Variants in PPP2R5E observed in about 807,000 individuals in gnomAD.
PPP2R5E encodes serine/threonine-protein phosphatase 2A 56 kDa regulatory subunit epsilon isoform.
A neutral mutation model predicts 65.3 loss-of-function variants in PPP2R5E; 4 were observed. That is an observed-to-expected ratio of 0.06 (90% CI 0.03 to 0.14). The LOEUF is 0.14. PPP2R5E is among the 10% of genes least tolerant of loss of function. PPP2R5E has a pLI of 1.00. For synonymous variants in PPP2R5E, 183 were observed against 187.4 expected, an observed-to-expected ratio of 0.98 and a Z score of 0.19; for missense variants, 274 against 556.1, an observed-to-expected ratio of 0.49 and a Z score of 5.10.
At chr14:63,495,013 G>C (rs1024107292) in intron 2 of PPP2R5E, among the ~76,000 whole-genome samples, 2 of 151,928 alleles carry the variant, frequency 1.3e-5, no homozygotes, top group African/African-American at 4.8e-5. Context: ...AGACCAGCCT[G>C]GCTAACATGG....
intron 4 of PPP2R5E, among the ~76,000 whole-genome samples, chr14:63,420,914 G>T (rs945470077): frequency 7.7e-6 from 1 of 129,790 alleles, no homozygotes; most frequent in Non-Finnish European, 1.6e-5. Flanking sequence ...TTAGCCGGGC[G>T]TAGTGGCGGG....
chr14:63,379,168 A>G (rs1884166821), intron 13 of PPP2R5E, among the ~76,000 whole-genome samples: 2 of 151,900 alleles, frequency 1.3e-5, no homozygotes, highest in Non-Finnish European at 2.9e-5. Flanking sequence ...AGCTGGGACT[A>G]CAGGCACCCG....
intron 3 of PPP2R5E, 39 bp from the exon 4 acceptor site, chr14:63,422,133 T>C (rs1887059274): frequency 6.5e-7 from 1 of 1,528,844 alleles, no homozygotes; most frequent in Non-Finnish European, 9.1e-7. Flanking sequence ...GGGAAGCACC[T>C]TCTGCACAGT....
At chr14:63,500,430 G>A (rs983113768) in intron 2 of PPP2R5E, among the ~76,000 whole-genome samples, 4 of 152,088 alleles carry the variant, frequency 2.6e-5, no homozygotes, top group Non-Finnish European at 4.4e-5. Context: ...ACAGGAAATC[G>A]TTTACATTGA....
chr14:63,451,743 T>A (rs1191249209), intron 3 of PPP2R5E: 2 of 151,896 alleles, frequency 1.3e-5, no homozygotes, highest in African/African-American at 4.8e-5. Flanking sequence ...TGTAGGATCA[T>A]CAATTGTAAC....
chr14:63,378,838 A>C (rs915491204), intron 13 of PPP2R5E, among the ~76,000 whole-genome samples: 2 of 152,186 alleles, frequency 1.3e-5, no homozygotes, highest in African/African-American at 4.8e-5. Flanking sequence ...TTTGATCTGA[A>C]CTGAAACCAT....
At chr14:63,539,424 A>G (rs1044059700) in intron 2 of PPP2R5E, 105 bp downstream of exon 2, 1 of 1,226,472 alleles carries the variant, frequency 8.2e-7, no homozygotes, top group Non-Finnish European at 1.1e-6. Context: ...GAAGTATCCC[A>G]TCCCTTCAAT....
intron 2 of PPP2R5E, among the ~76,000 whole-genome samples, chr14:63,489,866 T>A (rs1891202139): frequency 6.6e-6 from 1 of 152,180 alleles, no homozygotes; most frequent in African/African-American, 2.4e-5. Context: ...AAAGAATACA[T>A]GGAACTAGAA....
At chr14:63,401,647 C>T (rs1383305201) in intron 5 of PPP2R5E, among the ~76,000 whole-genome samples, 2 of 152,170 alleles carry the variant, frequency 1.3e-5, no homozygotes, top group Non-Finnish European at 2.9e-5. Flanking sequence ...GAACCTCTCT[C>T]CTCTTGAATC....
chr14:63,496,358 C>T (rs1190068286), intron 2 of PPP2R5E, among the ~76,000 whole-genome samples: 1 of 150,674 alleles, frequency 6.6e-6, no homozygotes, highest in Non-Finnish European at 1.5e-5. Context: ...GCACAAGAAT[C>T]GCTTGAACCT....
intron 3 of PPP2R5E, among the ~76,000 whole-genome samples, chr14:63,435,109 A>C (rs1452187980): frequency 2.0e-5 from 3 of 152,168 alleles, no homozygotes; most frequent in African/African-American, 7.2e-5. Context: ...GCAAAAGGGG[A>C]ATTTTCTGGG....
intron 7 of PPP2R5E, 53 bp downstream of exon 7, chr14:63,395,173 A>C: frequency 6.7e-7 from 1 of 1,499,078 alleles, no homozygotes; most frequent in Non-Finnish European, 9.3e-7. Context: ...ACCTGAACCT[A>C]ATTTTTAAAA....
intron 3 of PPP2R5E, among the ~76,000 whole-genome samples, chr14:63,425,894 C>A (rs1397749659): frequency 6.6e-6 from 1 of 152,184 alleles, no homozygotes; most frequent in Non-Finnish European, 1.5e-5. Context: ...TCAGTTACAG[C>A]AAAAGAAGGC....
intron 5 of PPP2R5E, among the ~76,000 whole-genome samples, chr14:63,398,733 T>A (rs946922904): frequency 6.6e-6 from 1 of 152,060 alleles, no homozygotes; most frequent in African/African-American, 2.4e-5. Flanking sequence ...GAGTTTGCAG[T>A]GAGCCGAGAT....
intron 5 of PPP2R5E, among the ~76,000 whole-genome samples, chr14:63,414,472 G>A (rs1387122899): frequency 6.6e-6 from 1 of 152,124 alleles, no homozygotes; most frequent in African/African-American, 2.4e-5. Flanking sequence ...CATTTTTAGA[G>A]ACGAATATAT....
At chr14:63,409,914 G>A (rs1886306098) in intron 5 of PPP2R5E, among the ~76,000 whole-genome samples, 1 of 152,210 alleles carries the variant, frequency 6.6e-6, no homozygotes, top group Admixed American at 6.5e-5. Context: ...GCCAGAGTTT[G>A]TATGCAGTTT....
chr14:63,409,679 A>G (rs1886290228), intron 5 of PPP2R5E, among the ~76,000 whole-genome samples: 1 of 152,220 alleles, frequency 6.6e-6, no homozygotes, highest in African/African-American at 2.4e-5. Flanking sequence ...TAATCTGCCC[A>G]AGGTTTTCAG....
At chr14:63,458,965 T>C (rs1472025922) in intron 2 of PPP2R5E, among the ~76,000 whole-genome samples, 1 of 152,168 alleles carries the variant, frequency 6.6e-6, no homozygotes, top group Non-Finnish European at 1.5e-5. Context: ...ACAATGAGAA[T>C]AGTAAGTATG....
intron 5 of PPP2R5E, among the ~76,000 whole-genome samples, chr14:63,407,550 AT>A (rs35078468): frequency 0.34 from 51,340 of 151,918 alleles, 12,805 homozygotes; most frequent in African/African-American, 0.7. Flanking sequence ...ATATATGCTT[AT>A]TTTTTTTATA....
Sources: allele counts gnomAD v4.1 joint callset (sites outside exome capture counted in the v4.1 genomes callset), GRCh38; gene constraint gnomAD v4.1.1; transcripts MANE v1.5; gene names NCBI Gene and HGNC (gene_info 2026-07-23, HGNC 2026-07-21).